The following ESRRG variants were observed in gnomAD, a reference collection of about 807,000 sequenced individuals.
ESRRG encodes the protein estrogen related receptor gamma, also known as estrogen-related receptor gamma.
ESRRG carries 13 observed loss-of-function variants against 44.0 expected under a neutral mutation model. The observed-to-expected ratio is 0.30, with a 90% CI of 0.19 to 0.47. The LOEUF (loss-of-function observed/expected upper bound fraction) is 0.47, where lower values mean the gene tolerates loss of function less well. Ranked by LOEUF, ESRRG falls within the 20% of genes least tolerant of loss-of-function variation. The probability of loss-of-function intolerance (pLI) is 1.00; values close to 1 mark genes in which losing one functional copy is unlikely to be tolerated. For synonymous variants in ESRRG, 215 were observed against 214.6 expected, an observed-to-expected ratio of 1.00 and a Z score of -0.02; for missense variants, 395 against 580.6, an observed-to-expected ratio of 0.68 and a Z score of 3.29.
chr1:216,738,994 G>T (rs754486610), intron 2 of ESRRG, among the ~76,000 whole-genome samples: 5 of 152,124 alleles, frequency 3.3e-5, no homozygotes, highest in Admixed American at 1.3e-4. Context: ...GGGATTACAG[G>T]TATGTCCCAC....
chr1:216,553,043 G>A (rs2056764993), intron 5 of ESRRG, among the ~76,000 whole-genome samples: 1 of 151,994 alleles, frequency 6.6e-6, no homozygotes, highest in Admixed American at 6.6e-5. Context: ...TCTGTGCTGA[G>A]GACACCCTGC....
intron 2 of ESRRG, among the ~76,000 whole-genome samples, chr1:216,848,233 G>A (rs575123905): frequency 9.9e-5 from 15 of 152,240 alleles, no homozygotes; most frequent in Non-Finnish European, 2.1e-4. Context: ...CATCTCCTCT[G>A]TCAAGTATGC....
intron 2 of ESRRG, among the ~76,000 whole-genome samples, chr1:216,658,889 AG>A (rs2071434854): frequency 1.4e-5 from 2 of 139,840 alleles, no homozygotes; most frequent in African/African-American, 2.6e-5. Flanking sequence ...AGAAGAGAAG[AG>A]AAGAGAAGAG....
chr1:216,969,627 C>T (rs896152388), intron 1 of ESRRG, among the ~76,000 whole-genome samples: 7 of 152,018 alleles, frequency 4.6e-5, no homozygotes, highest in Non-Finnish European at 1.0e-4. Context: ...CTTTTGTTGC[C>T]CAGGCTAGAG....
At chr1:217,040,512 G>C (rs948152855) in intron 1 of ESRRG, among the ~76,000 whole-genome samples, 1 of 152,000 alleles carries the variant, frequency 6.6e-6, no homozygotes, top group African/African-American at 2.4e-5. Context: ...TAAAGCTATT[G>C]CTTTAGTTAA....
chr1:216,599,897 G>A (rs2058968570), intron 3 of ESRRG, among the ~76,000 whole-genome samples: 4 of 151,956 alleles, frequency 2.6e-5, no homozygotes, highest in Admixed American at 2.6e-4. Flanking sequence ...GGACACCAAA[G>A]TGACTTCCAC....
At chr1:216,724,004 T>C (rs1221662351), upstream of ESRRG, among the ~76,000 whole-genome samples, 3 of 152,124 alleles carry the variant, frequency 2.0e-5, no homozygotes, top group Admixed American at 6.5e-5. Flanking sequence ...TCTTTTCCTG[T>C]TTTCCTGATG....
intron 6 of ESRRG, 151 bp from the exon 7 acceptor site, chr1:216,507,334 C>T: frequency 2.0e-6 from 1 of 488,220 alleles, no homozygotes; most frequent in Non-Finnish European, 3.5e-6. Context: ...TTTCTACAAT[C>T]TCTATTTCTT....
chr1:216,680,141 C>A (rs1343043678), intron 1 of ESRRG, among the ~76,000 whole-genome samples: 3 of 152,172 alleles, frequency 2.0e-5, no homozygotes, highest in South Asian at 2.1e-4. Context: ...GAACTGTTTC[C>A]TTAATTAATA....
At chr1:217,108,380 G>C (rs1417642779) in intron 1 of ESRRG, among the ~76,000 whole-genome samples, 1 of 152,098 alleles carries the variant, frequency 6.6e-6, no homozygotes. Context: ...CTGCATACTT[G>C]TGGGTATCAT....
chr1:216,521,953 C>T (rs968271024), intron 5 of ESRRG, among the ~76,000 whole-genome samples: 14 of 152,094 alleles, frequency 9.2e-5, no homozygotes, highest in African/African-American at 2.7e-4. Flanking sequence ...GGCACGCTAG[C>T]GACATTTACG....
chr1:216,567,941 G>A lies in ESRRG; in HGVS notation c.700+47C>T, dbSNP rs775325776. 6.4e-6 allele frequency: 8 copies of A among 1,254,096 alleles called. No homozygotes were observed. In the South Asian group the frequency reaches 9.6e-5, roughly 15 times the overall value. The allele number at this position is 1,254,096 out of a possible 1,614,324, so 77.7% of individuals were successfully genotyped here. ...AAAGCTGATGTACATAGAGCCAACT[G>A]GGAGGATTTCGTGTTCTGGGAAGCC... is the stretch of plus-strand genomic sequence containing the variant. On this transcript the variant is annotated intron_variant, in intron 4 of 6. Coordinates refer to ENST00000408911, the MANE Select transcript of ESRRG (RefSeq NM_001438.4).
chr1:216,609,088 A>AGTACGTT (rs1221639825), intron 3 of ESRRG, among the ~76,000 whole-genome samples: 1 of 152,258 alleles, frequency 6.6e-6, no homozygotes, highest in Non-Finnish European at 1.5e-5. Context: ...GTCAAAAATT[A>AGTACGTT]GTACGTTGTA....
At chr1:217,034,013 G>C (rs1402617115) in intron 1 of ESRRG, among the ~76,000 whole-genome samples, 3 of 152,096 alleles carry the variant, frequency 2.0e-5, no homozygotes, top group Non-Finnish European at 4.4e-5. Context: ...TCTAGAACTG[G>C]CTTGATTTTT....
intron 1 of ESRRG, among the ~76,000 whole-genome samples, chr1:217,017,218 A>G (rs2079529319): frequency 6.6e-6 from 1 of 152,134 alleles, no homozygotes; most frequent in African/African-American, 2.4e-5. Context: ...TGGCCATCAC[A>G]CTAGTCTTTT....
intron 2 of ESRRG, among the ~76,000 whole-genome samples, chr1:216,670,266 G>A (rs2074904864): frequency 6.6e-6 from 1 of 152,216 alleles, no homozygotes; most frequent in African/African-American, 2.4e-5. Flanking sequence ...GATCCTCTAG[G>A]ACTACACTGC....
In ESRRG at chr1:217,021,049, TAC is replaced by T. The variant is rs10655764; in HGVS notation, c.-106+68456_-106+68457del. 1.4e-3 allele frequency among the ~76,000 whole-genome samples: 203 copies of T among 145,332 alleles called. 1 individual carries two copies. Among genetic ancestry groups the T allele is most frequent in the East Asian group, 0.013 (61 of 4,812 alleles). On this transcript the variant is annotated intron_variant, in intron 1 of 7. Transcript: ENST00000359162. ...CCCCATCCCCCAACCCTGCCATGCA[TAC>T]ACACACACACACACACACACACACA... is the stretch of plus-strand genomic sequence containing the variant.
chr1:216,991,646 TG>T (rs1330423243), intron 1 of ESRRG, among the ~76,000 whole-genome samples: 1 of 70,116 alleles, frequency 1.4e-5, no homozygotes, highest in Non-Finnish European at 2.8e-5. Flanking sequence ...TGGGATGGGA[TG>T]GGATGGGATG....
chr1:216,891,593 A>G (rs1159016279), intron 2 of ESRRG, among the ~76,000 whole-genome samples: 2 of 152,188 alleles, frequency 1.3e-5, no homozygotes, highest in Non-Finnish European at 2.9e-5. Flanking sequence ...CGTGCTCATC[A>G]GCTTAGATCC....
Sources: gnomAD v4.1 joint callset for allele counts (sites outside exome capture counted in the v4.1 genomes callset) on GRCh38, gnomAD v4.1.1 for gene constraint, MANE v1.5 for transcripts, NCBI Gene and HGNC (gene_info 2026-07-23, HGNC 2026-07-21) for gene names.